Variants in ERBB4 observed in about 807,000 individuals in gnomAD.
ERBB4 encodes the protein erb-b2 receptor tyrosine kinase 4, also known as receptor tyrosine-protein kinase erbB-4.
Under a neutral mutation model 158.0 loss-of-function variants are expected in ERBB4, and 42 were observed. The ratio of observed to expected loss-of-function variants is 0.27; its 90% CI spans 0.21 to 0.34. ERBB4 has a LOEUF of 0.34. ERBB4 is among the 10% of genes least tolerant of loss of function. The probability of loss-of-function intolerance (pLI) is 1.00; values close to 1 mark genes in which losing one functional copy is unlikely to be tolerated. For missense variants in ERBB4, 1,333 were observed against 1,624.1 expected (o/e 0.82, Z 3.08); for synonymous variants, 583 against 558.7 (o/e 1.04, Z -0.61).
chr2:212,364,914 AGTGT>A (rs34682600), intron 1 of ERBB4, among the ~76,000 whole-genome samples: 3,043 of 147,984 alleles, frequency 0.021, 33 homozygotes, highest in African/African-American at 0.032. Context: ...TGTGTGTGTG[AGTGT>A]GTGTGTGTGT....
rs547168183 is a variant in ERBB4 at position 211,808,509 on chromosome 2, A to C, written c.422-20350T>G. On this transcript the variant is annotated intron_variant, in intron 3 of 27. Transcript: ENST00000342788. ...TATATCTCTGTTTTGGTACCAGTAC[A>C]ATGCTGTTTTGGTTACTATAGCCTT... Among the ~76,000 whole-genome samples the C allele has an allele frequency of 5.5e-4, 83 of 152,046 alleles. 1 individual carries two copies. Among genetic ancestry groups the C allele is most frequent in the African/African-American group, 1.8e-3 (74 of 41,516 alleles).
intron 3 of ERBB4, among the ~76,000 whole-genome samples, chr2:211,848,434 A>C (rs1028809162): frequency 2.6e-5 from 4 of 152,088 alleles, no homozygotes; most frequent in African/African-American, 9.7e-5. Flanking sequence ...TAATGGAGTA[A>C]AATGACACAA....
intron 3 of ERBB4, among the ~76,000 whole-genome samples, chr2:211,909,478 T>G (rs181438748): frequency 6.6e-6 from 1 of 151,930 alleles, no homozygotes; most frequent in East Asian, 2.0e-4. Flanking sequence ...AGAAATGATA[T>G]AGCCTATTGC....
chr2:212,214,033 C>A (rs895310572), intron 1 of ERBB4, among the ~76,000 whole-genome samples: 3 of 151,838 alleles, frequency 2.0e-5, no homozygotes, highest in Non-Finnish European at 4.4e-5. Flanking sequence ...TATTCAGAAT[C>A]CAAGAACACC....
At chr2:212,369,842 C>T (rs2090024544) in intron 1 of ERBB4, among the ~76,000 whole-genome samples, 1 of 152,070 alleles carries the variant, frequency 6.6e-6, no homozygotes, top group African/African-American at 2.4e-5. Flanking sequence ...CAGGCATGAG[C>T]CACTGCATCT....
chr2:211,638,360 G>T (rs1374578846), intron 16 of ERBB4, among the ~76,000 whole-genome samples: 1 of 152,112 alleles, frequency 6.6e-6, no homozygotes, highest in African/African-American at 2.4e-5. Flanking sequence ...ACTGCCTGGG[G>T]CAAGGAGAGC....
chr2:212,378,524 T>TC (rs2090401396), intron 1 of ERBB4, among the ~76,000 whole-genome samples: 1 of 151,928 alleles, frequency 6.6e-6, no homozygotes, highest in African/African-American at 2.4e-5. Context: ...TGGGGTACCA[T>TC]CTTCTGGGAA....
In ERBB4 at chr2:212,221,111, G is replaced by A. The variant is rs1266118879; in HGVS notation, c.83-96208C>T. Among the ~76,000 whole-genome samples the A allele has an allele frequency of 3.3e-5, 5 of 151,360 alleles. No individual in the cohort carries two copies. The Admixed American group carries it at 3.3e-4, about 10-fold the overall frequency. On this transcript the variant is annotated intron_variant, in intron 1 of 27. Transcript: ENST00000342788. ...TCTGAACCATGGATCATGAAACAGG[G>A]GGTGGTTTTTGAGTGGCAGTCTCCA...
At chr2:211,787,462 G>A (rs2076190923) in intron 4 of ERBB4, among the ~76,000 whole-genome samples, 3 of 152,060 alleles carry the variant, frequency 2.0e-5, no homozygotes, top group Admixed American at 6.6e-5. Context: ...TAGTTTATTC[G>A]ACTAATGACT....
intron 1 of ERBB4, among the ~76,000 whole-genome samples, chr2:212,244,095 A>G (rs2106024863): frequency 6.6e-6 from 1 of 152,262 alleles, no homozygotes; most frequent in East Asian, 1.9e-4. Context: ...TTACGGTTTC[A>G]ACAATATGAT....
chr2:212,476,153 T>TCA (rs59580011), intron 1 of ERBB4, among the ~76,000 whole-genome samples: 2,901 of 144,076 alleles, frequency 0.02, 55 homozygotes, highest in African/African-American at 0.048. Flanking sequence ...TCTCTCTCTG[T>TCA]CACACACACA....
intron 1 of ERBB4, among the ~76,000 whole-genome samples, chr2:212,419,954 T>C (rs112038034): frequency 6.6e-6 from 1 of 152,038 alleles, no homozygotes; most frequent in South Asian, 2.1e-4. Context: ...ATTTCTTAAA[T>C]ATCTTGTGCT....
At chr2:212,495,395 T>A (rs1690506852) in intron 1 of ERBB4, among the ~76,000 whole-genome samples, 1 of 152,148 alleles carries the variant, frequency 6.6e-6, no homozygotes, top group Non-Finnish European at 1.5e-5. Flanking sequence ...CACCCATTCT[T>A]CCTCAAAGGA....
At chr2:211,812,456 C>G (rs1278064777) in intron 3 of ERBB4, among the ~76,000 whole-genome samples, 2 of 152,140 alleles carry the variant, frequency 1.3e-5, no homozygotes, top group African/African-American at 4.8e-5. Flanking sequence ...GTTAGTCGGC[C>G]CCTACTGGGA....
intron 1 of ERBB4, among the ~76,000 whole-genome samples, chr2:212,277,505 T>G (rs2085586339): frequency 6.6e-6 from 1 of 151,658 alleles, no homozygotes; most frequent in Non-Finnish European, 1.5e-5. Context: ...AAGGGCCTAG[T>G]GTAGAGTCTG....
intron 1 of ERBB4, among the ~76,000 whole-genome samples, chr2:212,168,681 T>C (rs2125666372): frequency 6.6e-6 from 1 of 152,278 alleles, no homozygotes; most frequent in East Asian, 1.9e-4. Flanking sequence ...ATGTAGCACA[T>C]GACATTTGAA....
intron 14 of ERBB4, among the ~76,000 whole-genome samples, chr2:211,671,209 T>C (rs2071824989): frequency 6.6e-6 from 1 of 152,126 alleles, no homozygotes; most frequent in African/African-American, 2.4e-5. Context: ...AAAGATAATG[T>C]GAAAAAATTA....
chr2:212,061,074 C>T (rs1230357361), intron 2 of ERBB4, among the ~76,000 whole-genome samples: 1 of 151,810 alleles, frequency 6.6e-6, no homozygotes, highest in African/African-American at 2.4e-5. Context: ...ATTGCTTAGT[C>T]TGTAGGAGTG....
intron 19 of ERBB4, among the ~76,000 whole-genome samples, chr2:211,591,121 GAT>G (rs2125792013): frequency 6.6e-6 from 1 of 152,218 alleles, no homozygotes; most frequent in African/African-American, 2.4e-5. Flanking sequence ...AATTAATAAA[GAT>G]ATTGATTTAT....
Sources: allele counts gnomAD v4.1 joint callset (sites outside exome capture counted in the v4.1 genomes callset), GRCh38; gene constraint gnomAD v4.1.1; transcripts MANE v1.5; gene names NCBI Gene and HGNC (gene_info 2026-07-23, HGNC 2026-07-21).